Variants in UPF3A observed in about 807,000 individuals in gnomAD.
The protein encoded by UPF3A is regulator of nonsense transcripts 3A.
A neutral mutation model predicts 53.5 loss-of-function variants in UPF3A; 42 were observed. The observed-to-expected ratio is 0.78, with a 90% CI of 0.61 to 1.01. The LOEUF is 1.01. Among genes scored for constraint, UPF3A ranks in the 50% least tolerant of loss-of-function variants. The pLI is 0.00. For missense variants in UPF3A, 575 were observed against 598.0 expected (o/e 0.96, Z 0.40); for synonymous variants, 237 against 225.3 (o/e 1.05, Z -0.47).
At chr13:114,289,881 G>A (rs932176015) in intron 5 of UPF3A, among the ~76,000 whole-genome samples, 9 of 152,316 alleles carry the variant, frequency 5.9e-5, no homozygotes, top group Middle Eastern at 3.4e-3. Context: ...TGGGTGATAG[G>A]GCAGACATTT....
Sources: gnomAD v4.1 joint callset for allele counts (sites outside exome capture counted in the v4.1 genomes callset) on GRCh38, gnomAD v4.1.1 for gene constraint, MANE v1.5 for transcripts, NCBI Gene and HGNC (gene_info 2026-07-23, HGNC 2026-07-21) for gene names.